Variants in WDR26 observed in about 807,000 individuals in gnomAD.
WDR26 encodes WD repeat domain 26.
A neutral mutation model predicts 84.1 loss-of-function variants in WDR26; 5 were observed. That is an observed-to-expected ratio of 0.06 (90% CI 0.03 to 0.13). The LOEUF (loss-of-function observed/expected upper bound fraction) is 0.13. Among genes scored for constraint, WDR26 ranks in the 10% least tolerant of loss-of-function variants. The pLI, the probability that WDR26 is intolerant of heterozygous loss-of-function variation, is 1.00. For missense variants in WDR26, 642 were observed against 974.9 expected, an observed-to-expected ratio of 0.66 and a Z score of 4.55; for synonymous variants, 415 against 389.6, an observed-to-expected ratio of 1.07 and a Z score of -0.77.
chr1:224,421,979 T>G (rs1338849259), intron 4 of WDR26, among the ~76,000 whole-genome samples: 1 of 152,196 alleles, frequency 6.6e-6, no homozygotes, highest in Non-Finnish European at 1.5e-5. Flanking sequence ...CATCATTTTG[T>G]ATTTACAAAC....
intron 13 of WDR26, among the ~76,000 whole-genome samples, chr1:224,393,432 T>C (rs144058722): frequency 1.3e-5 from 2 of 152,338 alleles, no homozygotes; most frequent in African/African-American, 4.8e-5. Flanking sequence ...GAGTAAAATC[T>C]ATAATCAAGA....
At chr1:224,405,002 C>A (rs1411336463) in intron 7 of WDR26, among the ~76,000 whole-genome samples, 1 of 152,074 alleles carries the variant, frequency 6.6e-6, no homozygotes, top group East Asian at 1.9e-4. Context: ...TTAGTATATT[C>A]AGAGTTGTGC....
chr1:224,416,617 C>T (rs527935739), intron 6 of WDR26, among the ~76,000 whole-genome samples: 1 of 152,316 alleles, frequency 6.6e-6, no homozygotes, highest in South Asian at 2.1e-4. Flanking sequence ...CACTTAGTTT[C>T]ATAGGTACTG....
At chr1:224,399,086 G>A (rs1229295316) in intron 9 of WDR26, 52 bp from the exon 10 acceptor site, 24 of 1,415,766 alleles carry the variant, frequency 1.7e-5, no homozygotes, top group Non-Finnish European at 2.1e-5. Context: ...CACTCAGAAA[G>A]CAAATAAAGA....
rs1674395296 is a variant in WDR26, at chr1:224,431,585, T to C, written c.823-4A>G. On this transcript the variant is annotated splice_region_variant and splice_polypyrimidine_tract_variant and intron_variant, in intron 2 of 13. Transcript: ENST00000414423. ...GTTCATTCAGGTCATTTTCTGCCTG[T>C]AAAAATTGGTATAAAAGAAAAACAG... 1.2e-6 allele frequency: 2 copies of C among 1,612,498 alleles called. No individual in the cohort carries two copies. The highest frequency in any genetic ancestry group is 2.2e-5 in the South Asian group (2 of 90,908).
At position 224,433,911 on chromosome 1, in the gene WDR26, G is replaced by A. The variant is rs1469186229; in HGVS notation, c.495C>T (p.Ser165=). The change falls in exon 1 of 14, where the codon TCC becomes TCT. Residue 165 remains serine, a synonymous_variant. Transcript: ENST00000414423. Reference sequence around the variant, plus strand: ...GGCTGTTGCTATTGTTGCTGGCGGCGGAGGGGGCGGAAGGCAGGAGCCCAT... The same window carrying A: ...GGCTGTTGCTATTGTTGCTGGCGGCAGAGGGGGCGGAAGGCAGGAGCCCAT... 3 of 1,536,634 alleles carry A rather than the reference G, an allele frequency of 2.0e-6. No homozygotes were observed. The highest frequency in any genetic ancestry group is 8.7e-7 in the Non-Finnish European group (1 of 1,146,680).
chr1:224,402,806 A>G (rs1673453004), intron 8 of WDR26, among the ~76,000 whole-genome samples: 1 of 152,182 alleles, frequency 6.6e-6, no homozygotes, highest in African/African-American at 2.4e-5. Context: ...CCTGAACCCA[A>G]TCACAAATAC....
Position 224,389,665 on chromosome 1 carries a change from T to C in WDR26, c.*170A>G. 1 of 689,812 alleles carries C rather than the reference T, an allele frequency of 1.4e-6. No homozygotes were observed. The highest frequency in any genetic ancestry group is 2.8e-5 in the East Asian group (1 of 35,596). The allele number at this position is 689,812 out of a possible 1,614,324, so 42.7% of individuals were successfully genotyped here. On this transcript the variant is annotated 3_prime_UTR_variant, in exon 14 of 14. Coordinates refer to ENST00000414423, the MANE Select transcript of WDR26 (RefSeq NM_001379403.1). The stretch of plus-strand genomic sequence containing the variant: ...GACGTGCTTCATCTCAACTGGTTAC[T>C]ATGAAGCAAGGTGTAAATGTTTGGC...
rs777812518 is a variant in WDR26 at position 224,411,581 on chromosome 1, C to T, written c.1320-16G>A. 5.7e-6 allele frequency: 9 copies of T among 1,566,182 alleles called. No individual in the cohort carries two copies. Among genetic ancestry groups the T allele is most frequent in the Non-Finnish European group, 7.8e-6 (9 of 1,159,182 alleles). ...GAACTGCCTCCTAAAACAAAGAGGT[C>T]CACAAATTATTCTTTCAAAACAGAT... On this transcript the variant is annotated splice_polypyrimidine_tract_variant and intron_variant, in intron 6 of 13. Transcript: ENST00000414423.
intron 9 of WDR26, among the ~76,000 whole-genome samples, chr1:224,399,454 T>C (rs1673350824): frequency 6.6e-6 from 1 of 152,246 alleles, no homozygotes; most frequent in Non-Finnish European, 1.5e-5. Flanking sequence ...TACAGCTTCA[T>C]ACAGACTGGA....
intron 8 of WDR26, among the ~76,000 whole-genome samples, chr1:224,401,396 C>T (rs1395763653): frequency 6.6e-6 from 1 of 151,922 alleles, no homozygotes; most frequent in African/African-American, 2.4e-5. Flanking sequence ...TAATGAAAAG[C>T]CCAAGACTAC....
At chr1:224,395,051 TAG>T (rs1673222980) in intron 12 of WDR26, among the ~76,000 whole-genome samples, 1 of 152,132 alleles carries the variant, frequency 6.6e-6, no homozygotes, top group Non-Finnish European at 1.5e-5. Flanking sequence ...ACTAGCCACA[TAG>T]TATAGAGAGT....
chr1:224,410,369 TA>T (rs1425623355), intron 7 of WDR26, among the ~76,000 whole-genome samples: 1 of 151,952 alleles, frequency 6.6e-6, no homozygotes, highest in Non-Finnish European at 1.5e-5. Flanking sequence ...TATAGTTCCT[TA>T]ACCTATCCGG....
At chr1:224,406,997 C>T (rs1350789394) in intron 7 of WDR26, among the ~76,000 whole-genome samples, 2 of 149,738 alleles carry the variant, frequency 1.3e-5, no homozygotes, top group Non-Finnish European at 3.0e-5. Flanking sequence ...TGGTGGGTGC[C>T]TGTAATCCCA....
chr1:224,434,628 G>A lies in WDR26; in HGVS notation c.-223C>T, dbSNP rs1168928170. Reference sequence around the variant, plus strand: ...CGCGGCCCGGGGGTCGCGCCGGGGGGCGCCGCGGGGCGGCTGCGGGGGCGC... The same window carrying A: ...CGCGGCCCGGGGGTCGCGCCGGGGGACGCCGCGGGGCGGCTGCGGGGGCGC... On this transcript the variant is annotated 5_prime_UTR_variant, in exon 1 of 14. Coordinates refer to ENST00000414423, the MANE Select transcript of WDR26 (RefSeq NM_001379403.1). 8.3e-6 allele frequency: 5 copies of A among 602,810 alleles called. No individual in the cohort carries two copies. Among genetic ancestry groups the A allele is most frequent in the Non-Finnish European group, 1.0e-5 (5 of 483,648 alleles). 37.3% of individuals were successfully genotyped at this position (602,810 alleles called of 1,614,324 possible).
chr1:224,419,652 C>G, intron 4 of WDR26, 37 bp from the exon 5 acceptor site: 1 of 1,495,252 alleles, frequency 6.7e-7, no homozygotes, highest in Non-Finnish European at 9.3e-7. Flanking sequence ...AATATTAAAC[C>G]CATTTCTTTG....
chr1:224,399,985 C>CA (rs952017480), intron 9 of WDR26, among the ~76,000 whole-genome samples: 3 of 151,400 alleles, frequency 2.0e-5, no homozygotes, highest in South Asian at 2.1e-4. Flanking sequence ...TAAAAAACAA[C>CA]AAAAAAAATG....
rs573198152 is a variant in WDR26 at position 224,391,295 on chromosome 1, G to A, written c.2261-1435C>T. On this transcript the variant is annotated intron_variant, in intron 13 of 13. Coordinates refer to ENST00000414423, the MANE Select transcript of WDR26 (RefSeq NM_001379403.1). ...GCAGAATTGCTTGAACCCAGGAGGC[G>A]GAGGTTGTGGTGAGCCGAGATTGCG... Among the ~76,000 whole-genome samples the A allele has an allele frequency of 4.0e-5, 6 of 150,050 alleles. No individual in the cohort carries two copies. The South Asian group carries it at 8.4e-4, about 21-fold the overall frequency.
At chr1:224,394,935 C>G (rs1673219713) in intron 12 of WDR26, among the ~76,000 whole-genome samples, 1 of 152,134 alleles carries the variant, frequency 6.6e-6, no homozygotes, top group Non-Finnish European at 1.5e-5. Context: ...AGACAATGGT[C>G]CCTTATCTGC....
Sources: gnomAD v4.1 joint callset for allele counts (sites outside exome capture counted in the v4.1 genomes callset) on GRCh38, gnomAD v4.1.1 for gene constraint, MANE v1.5 for transcripts, NCBI Gene and HGNC (gene_info 2026-07-23, HGNC 2026-07-21) for gene names.